The following ACER1 variants were observed in gnomAD, a reference collection of about 807,000 sequenced individuals.
ACER1 encodes the protein CTB-180A7.3.
In ACER1, 28 loss-of-function variants were observed where a neutral mutation model predicts 24.9. That is an observed-to-expected ratio of 1.13 (90% confidence interval 0.83 to 1.54). The LOEUF (loss-of-function observed/expected upper bound fraction) is 1.54. Ranked by LOEUF, ACER1 falls within the 40% of genes most tolerant of loss-of-function variation. The pLI is 0.00. For missense variants in ACER1, 352 were observed against 349.3 expected (o/e 1.01, Z -0.06); for synonymous variants, 132 against 131.4 (o/e 1.00, Z -0.03).
the ACER1 span, among the ~76,000 whole-genome samples, chr19:6,359,201 C>T: frequency 2.0e-5 from 3 of 152,076 alleles, no homozygotes; most frequent in Admixed American, 1.3e-4. Context: ...CACTGTGCTC[C>T]AGCCTGGGTG....
Position 6,312,193 on chromosome 19 carries a change from T to C in ACER1, c.306A>G (p.Ile102Met), listed in dbSNP as rs1337801764. The C allele has an allele frequency of 1.7e-5, 27 of 1,613,948 alleles. No individual in the cohort carries two copies. The highest frequency in any genetic ancestry group is 4.0e-5 in the African/African-American group (3 of 74,882). ...AGGGGAAATAGCAGCGGGGCATCCA[T>C]ATGCTATAGCCACTGCCCAGGAGCC... ...ILWLLGSGYS[I>M]WMPRCYFPSF... Residue 102 changes from isoleucine to methionine, a missense_variant, in exon 3 of 6, where the codon ATA becomes ATG. Physicochemically the swap from Ile to Met is conservative, Grantham distance 10. Transcript: ENST00000301452.
At chr19:6,358,641 AAG>A in the ACER1 span, among the ~76,000 whole-genome samples, 5 of 149,358 alleles carry the variant, frequency 3.3e-5, no homozygotes, top group Admixed American at 6.6e-5. Flanking sequence ...AAAAAAAAAA[AAG>A]AGTCCAGTGG....
intron 3 of ACER1, 119 bp downstream of exon 3, chr19:6,312,030 G>A: frequency 7.4e-7 from 1 of 1,356,014 alleles, no homozygotes; most frequent in Non-Finnish European, 9.9e-7. Flanking sequence ...GTCAGGGGAG[G>A]AATTCCAAGG....
chr19:6,321,232 T>C (rs1337590375), intron 1 of ACER1, among the ~76,000 whole-genome samples: 1 of 151,816 alleles, frequency 6.6e-6, no homozygotes, highest in African/African-American at 2.4e-5. Flanking sequence ...GCCTCTTGGG[T>C]TCAAGCGATT....
At position 6,312,133 on chromosome 19, in the gene ACER1, C is replaced by T. The variant is rs761533386; in HGVS notation, c.350+16G>A. The stretch of plus-strand genomic sequence containing the variant: ...CTCAGACCCCACCCTGTCCAGATGG[C>T]CAGCCCCTGACCCACCTGTTCCCCC... On this transcript the variant is annotated intron_variant, in intron 3 of 5. Transcript: ENST00000301452. 2 of 1,611,300 alleles carry T rather than the reference C, an allele frequency of 1.2e-6. No homozygotes were observed. The highest frequency in any genetic ancestry group is 3.3e-5 in the Admixed American group (2 of 59,832).
At chr19:6,316,543 G>A (rs1028000799) in intron 1 of ACER1, among the ~76,000 whole-genome samples, 4 of 152,012 alleles carry the variant, frequency 2.6e-5, no homozygotes, top group Admixed American at 6.6e-5. Flanking sequence ...ATATCGGGCC[G>A]GGCGCGGTGG....
At chr19:6,340,093 G>A in the ACER1 span, among the ~76,000 whole-genome samples, 504 of 151,724 alleles carry the variant, frequency 3.3e-3, 2 homozygotes, top group Middle Eastern at 0.01. Context: ...TGGCCAACAT[G>A]GTGAGACACC....
upstream of ACER1, among the ~76,000 whole-genome samples, chr19:6,335,001 G>A (rs10420744): frequency 0.05 from 7,369 of 147,052 alleles, 276 homozygotes; most frequent in African/African-American, 0.11. Context: ...CGGTTAGCAA[G>A]TGTGCATAAC....
intron 1 of ACER1, among the ~76,000 whole-genome samples, chr19:6,324,939 G>A (rs143291999): frequency 2.0e-5 from 3 of 150,988 alleles, no homozygotes; most frequent in African/African-American, 7.3e-5. Context: ...CTCCTAAGTT[G>A]TCATCAACCC....
At chr19:6,307,339 G>C (rs766200696) in intron 4 of ACER1, 49 bp from the exon 5 acceptor site, 1 of 1,589,316 alleles carries the variant, frequency 6.3e-7, no homozygotes, top group Non-Finnish European at 8.6e-7. Flanking sequence ...AGCAGCACCT[G>C]ATGGGGCTGA....
chr19:6,314,969 G>A (rs2091596274), intron 1 of ACER1, among the ~76,000 whole-genome samples: 1 of 151,876 alleles, frequency 6.6e-6, no homozygotes, highest in South Asian at 2.1e-4. Flanking sequence ...TCAGCTCACT[G>A]CAAGCTCCGC....
the ACER1 span, among the ~76,000 whole-genome samples, chr19:6,339,167 G>A: frequency 5.9e-5 from 9 of 152,118 alleles, no homozygotes; most frequent in East Asian, 3.9e-4. Flanking sequence ...ATGAGCCACC[G>A]CACCCAGCCT....
intron 1 of ACER1, among the ~76,000 whole-genome samples, chr19:6,323,202 C>CTT (rs2091640263): frequency 6.6e-6 from 1 of 151,994 alleles, no homozygotes; most frequent in Non-Finnish European, 1.5e-5. Flanking sequence ...AGGCAGATCA[C>CTT]GAAGTCAGGA....
chr19:6,358,256 C>T, the ACER1 span, among the ~76,000 whole-genome samples: 3 of 152,250 alleles, frequency 2.0e-5, no homozygotes, highest in South Asian at 2.1e-4. Context: ...GCCCAAATGC[C>T]GGCTTTCCAC....
At chr19:6,310,500 G>T (rs1287809834) in intron 3 of ACER1, among the ~76,000 whole-genome samples, 1 of 152,012 alleles carries the variant, frequency 6.6e-6, no homozygotes, top group East Asian at 1.9e-4. Context: ...GAACCAGGAG[G>T]CAGAGGTTTC....
chr19:6,319,249 C>T (rs2091618571), intron 1 of ACER1, among the ~76,000 whole-genome samples: 1 of 152,116 alleles, frequency 6.6e-6, no homozygotes, highest in African/African-American at 2.4e-5. Flanking sequence ...GAGATACTGA[C>T]TAATGGGGGA....
At chr19:6,349,784 G>A in the ACER1 span, among the ~76,000 whole-genome samples, 2 of 152,086 alleles carry the variant, frequency 1.3e-5, no homozygotes, top group African/African-American at 4.8e-5. Context: ...ATGGAAGCTG[G>A]AGGTTTCTGC....
At chr19:6,345,897 TA>T in the ACER1 span, among the ~76,000 whole-genome samples, 10 of 150,854 alleles carry the variant, frequency 6.6e-5, no homozygotes, top group African/African-American at 1.7e-4. Context: ...ATAATAATAA[TA>T]ATTATTATTA....
At chr19:6,312,081 G>A (rs2091584446) in intron 3 of ACER1, 68 bp downstream of exon 3, 1 of 1,556,522 alleles carries the variant, frequency 6.4e-7, no homozygotes, top group South Asian at 1.2e-5. Flanking sequence ...GGGGACTCAG[G>A]TGAGCTCATG....
Sources: allele counts gnomAD v4.1 joint callset (sites outside exome capture counted in the v4.1 genomes callset), GRCh38; gene constraint gnomAD v4.1.1; transcripts MANE v1.5; gene names NCBI Gene and HGNC (gene_info 2026-07-23, HGNC 2026-07-21).